Variants in LRRC4C observed in about 807,000 individuals in gnomAD.
LRRC4C encodes leucine-rich repeat-containing protein 4C.
LRRC4C carries 5 observed loss-of-function variants against 33.6 expected under a neutral mutation model. The ratio of observed to expected loss-of-function variants is 0.15; its 90% confidence interval spans 0.08 to 0.31. LRRC4C has a LOEUF of 0.31. Ranked by LOEUF, LRRC4C falls within the 10% of genes least tolerant of loss-of-function variation. The pLI, the probability that LRRC4C is intolerant of heterozygous loss-of-function variation, is 1.00. For missense variants in LRRC4C, 560 were observed against 796.7 expected (o/e 0.70, Z 3.58); for synonymous variants, 329 against 302.0 (o/e 1.09, Z -0.93).
chr11:41,339,132 G>C (rs1951550356), intron 1 of LRRC4C, among the ~76,000 whole-genome samples: 1 of 151,912 alleles, frequency 6.6e-6, no homozygotes, highest in Non-Finnish European at 1.5e-5. Context: ...ATCAAACATA[G>C]GGAAAGTATA....
At chr11:40,834,911 G>GACAGACAGACACAC (rs748483585) in intron 2 of LRRC4C, among the ~76,000 whole-genome samples, 233 of 84,868 alleles carry the variant, frequency 2.7e-3, no homozygotes, top group Middle Eastern at 0.013. Flanking sequence ...CAGACAGACA[G>GACAGACAGACACAC]ACACACACAC....
chr11:40,219,501 T>TA (rs1277322416), intron 5 of LRRC4C, among the ~76,000 whole-genome samples: 1 of 152,190 alleles, frequency 6.6e-6, no homozygotes. Context: ...AGATATTCTA[T>TA]AAATACCTGT....
At chr11:40,144,046 T>C (rs1345660756) in intron 5 of LRRC4C, among the ~76,000 whole-genome samples, 1 of 152,212 alleles carries the variant, frequency 6.6e-6, no homozygotes, top group Non-Finnish European at 1.5e-5. Flanking sequence ...TCATAAATTC[T>C]ATCATCAGAG....
chr11:41,048,562 C>G (rs1857970944), intron 1 of LRRC4C, among the ~76,000 whole-genome samples: 1 of 151,930 alleles, frequency 6.6e-6, no homozygotes, highest in South Asian at 2.1e-4. Flanking sequence ...TGCGCCCAGC[C>G]CGATTCTGTA....
rs376117881 is a variant in LRRC4C at position 40,177,086 on chromosome 11, G to A, written c.-95-36233C>T. On this transcript the variant is annotated intron_variant, in intron 5 of 6. Coordinates refer to ENST00000528697, the MANE Select transcript of LRRC4C (RefSeq NM_001258419.2). ...CTCCTGCCTCAGCCTCCCAAGTAGC[G>A]GGGACTACAGGCGCCCGCCACCATG... Among the ~76,000 whole-genome samples, 14 of 151,418 alleles carry A rather than the reference G, an allele frequency of 9.2e-5. No individual in the cohort carries two copies. In the East Asian group the frequency reaches 9.8e-4, roughly 11 times the overall value.
At chr11:41,402,274 A>G (rs1263292528) in intron 1 of LRRC4C, among the ~76,000 whole-genome samples, 1 of 152,064 alleles carries the variant, frequency 6.6e-6, no homozygotes, top group Non-Finnish European at 1.5e-5. Flanking sequence ...ATATAAGACC[A>G]TGCTTAGTTA....
At chr11:40,394,592 C>T (rs1041900701) in intron 3 of LRRC4C, among the ~76,000 whole-genome samples, 1 of 152,068 alleles carries the variant, frequency 6.6e-6, no homozygotes, top group Non-Finnish European at 1.5e-5. Flanking sequence ...ACTGTGATCC[C>T]CTTGATCCAT....
chr11:40,149,638 G>T (rs2953314), intron 5 of LRRC4C, among the ~76,000 whole-genome samples: 150,577 of 152,276 alleles, frequency 0.99, 74,464 homozygotes, highest in Middle Eastern at 1. Flanking sequence ...CAAGCAGGGA[G>T]AGTTTGAGAG....
At chr11:41,287,156 G>C (rs1057486910) in intron 1 of LRRC4C, among the ~76,000 whole-genome samples, 8 of 152,122 alleles carry the variant, frequency 5.3e-5, no homozygotes, top group Admixed American at 5.2e-4. Context: ...ATTAATATAA[G>C]CCACTGTCTC....
intron 4 of LRRC4C, among the ~76,000 whole-genome samples, chr11:40,278,513 T>G (rs1943265463): frequency 6.6e-6 from 1 of 152,180 alleles, no homozygotes; most frequent in South Asian, 2.1e-4. Flanking sequence ...AAAAAGGACT[T>G]GTAAATTCTC....
chr11:40,178,010 A>C (rs1860656057), intron 5 of LRRC4C, among the ~76,000 whole-genome samples: 1 of 152,200 alleles, frequency 6.6e-6, no homozygotes, highest in Admixed American at 6.5e-5. Flanking sequence ...TAGCATGCAA[A>C]GTAGTTGTTA....
At chr11:40,160,075 A>G (rs528054544) in intron 5 of LRRC4C, among the ~76,000 whole-genome samples, 1 of 152,308 alleles carries the variant, frequency 6.6e-6, no homozygotes, top group Admixed American at 6.5e-5. Flanking sequence ...TGGATAGTAC[A>G]CTGGAAAGGT....
intron 2 of LRRC4C, among the ~76,000 whole-genome samples, chr11:40,671,722 A>T: frequency 6.8e-6 from 1 of 146,080 alleles, no homozygotes; most frequent in South Asian, 2.2e-4. Context: ...ATATGTAAAT[A>T]GTAATATATA....
chr11:40,904,104 G>A (rs1956319811), intron 2 of LRRC4C, among the ~76,000 whole-genome samples: 1 of 152,138 alleles, frequency 6.6e-6, no homozygotes, highest in Non-Finnish European at 1.5e-5. Context: ...TTACTTCTGA[G>A]GGATGATCAA....
intron 3 of LRRC4C, among the ~76,000 whole-genome samples, chr11:40,594,394 G>T (rs1008380304): frequency 6.6e-6 from 1 of 152,202 alleles, no homozygotes; most frequent in Non-Finnish European, 1.5e-5. Context: ...TTGCCCTAGG[G>T]CATGTCTAAT....
intron 3 of LRRC4C, among the ~76,000 whole-genome samples, chr11:40,481,176 T>G (rs551049434): frequency 6.6e-6 from 1 of 152,044 alleles, no homozygotes; most frequent in South Asian, 2.1e-4. Flanking sequence ...CACTTAGCAG[T>G]GTGTGGGAAG....
intron 2 of LRRC4C, among the ~76,000 whole-genome samples, chr11:40,870,640 C>T (rs1280403661): frequency 6.6e-6 from 1 of 152,166 alleles, no homozygotes; most frequent in Non-Finnish European, 1.5e-5. Flanking sequence ...ATCACTTCCC[C>T]AATCAATACC....
chr11:41,184,697 A>G (rs1382548066), intron 1 of LRRC4C, among the ~76,000 whole-genome samples: 1 of 151,830 alleles, frequency 6.6e-6, no homozygotes, highest in Non-Finnish European at 1.5e-5. Flanking sequence ...CAAGTTCCAA[A>G]GTTGCTTCCA....
intron 3 of LRRC4C, among the ~76,000 whole-genome samples, chr11:40,553,915 C>A (rs75143243): frequency 6.7e-6 from 1 of 149,620 alleles, no homozygotes; most frequent in Non-Finnish European, 1.5e-5. Flanking sequence ...TTGATAGTTT[C>A]TTTTTTGTGT....
Sources: gnomAD v4.1 joint callset for allele counts (sites outside exome capture counted in the v4.1 genomes callset) on GRCh38, gnomAD v4.1.1 for gene constraint, MANE v1.5 for transcripts, NCBI Gene and HGNC (gene_info 2026-07-23, HGNC 2026-07-21) for gene names.